PPP2R3A: variants seen among roughly 807,000 people sequenced by gnomAD.
PPP2R3A encodes the protein protein phosphatase 2 regulatory subunit B''alpha.
PPP2R3A carries 80 observed loss-of-function variants against 106.9 expected under a neutral mutation model. The ratio of observed to expected loss-of-function variants is 0.75; its 90% CI spans 0.62 to 0.90. PPP2R3A has a LOEUF of 0.90. Ranked by LOEUF, PPP2R3A falls within the 40% of genes least tolerant of loss-of-function variation. PPP2R3A has a pLI of 0.00. For synonymous variants in PPP2R3A, 483 were observed against 468.3 expected (o/e 1.03, Z -0.41); for missense variants, 1,386 against 1,350.4 (o/e 1.03, Z -0.41).
Position 136,002,756 on chromosome 3 carries a change from G to T in PPP2R3A, c.1258G>T (p.Glu420Ter). The change falls in exon 2 of 14, where the codon GAG (glutamate) becomes TAG (stop). Residue 420 changes from glutamate to a stop codon, truncating the protein, a stop_gained. Transcript: ENST00000264977. LOFTEE classifies it high-confidence loss of function. ...DLMETLYIEE[E>*]SDGKKALDKG... ...AATGGAAACTCTTTATATTGAAGAAGAGTCAGATGGAAAGAAAGCATTAGA... is the reference window on the plus strand; with the variant it reads ...AATGGAAACTCTTTATATTGAAGAATAGTCAGATGGAAAGAAAGCATTAGA... The T allele has an allele frequency of 6.2e-7, 1 of 1,612,718 alleles. No individual in the cohort carries two copies. Among genetic ancestry groups the T allele is most frequent in the Non-Finnish European group, 8.5e-7 (1 of 1,179,452 alleles).
chr3:136,002,758 G>A lies in PPP2R3A; in HGVS notation c.1260G>A (p.Glu420=). The change falls in exon 2 of 14, where the codon GAG becomes GAA. Residue 420 remains glutamate, a synonymous_variant. Transcript: ENST00000264977. ...DLMETLYIEE[E]SDGKKALDKG... is the part of the protein sequence containing the mutation. ...TGGAAACTCTTTATATTGAAGAAGA[G>A]TCAGATGGAAAGAAAGCATTAGATA... 6.2e-7 allele frequency: 1 copy of A among 1,612,904 alleles called. No individual in the cohort carries two copies. The highest frequency in any genetic ancestry group is 1.1e-5 in the South Asian group (1 of 90,766).
intron 5 of PPP2R3A, among the ~76,000 whole-genome samples, chr3:136,056,424 G>T (rs1375875694): frequency 6.6e-6 from 1 of 151,992 alleles, no homozygotes; most frequent in Non-Finnish European, 1.5e-5. Flanking sequence ...TGGGCGCAGG[G>T]TATATGGGAA....
intron 13 of PPP2R3A, among the ~76,000 whole-genome samples, chr3:136,140,911 TAAATG>T (rs1559943612): frequency 1.3e-5 from 2 of 152,142 alleles, no homozygotes; most frequent in East Asian, 1.9e-4. Flanking sequence ...GTCTCAAAAA[TAAATG>T]AATGAATGAA....
chr3:136,010,701 C>T (rs1218601152), intron 2 of PPP2R3A, among the ~76,000 whole-genome samples: 2 of 152,268 alleles, frequency 1.3e-5, no homozygotes, highest in Non-Finnish European at 2.9e-5. Context: ...GCTGGGATTA[C>T]AGGCGTGAGC....
rs534681480 is a variant in PPP2R3A at position 136,015,713 on chromosome 3, C to T, written c.1996-11119C>T. ...ATTTGGATCGTCTCTCTTCTTTTCT[C>T]GGTTAATCTCTCTAATGGTCTATCA... is the stretch of plus-strand genomic sequence containing the variant. On this transcript the variant is annotated intron_variant, in intron 2 of 13. Transcript: ENST00000264977. Among the ~76,000 whole-genome samples, 84 of 151,720 alleles carry T rather than the reference C, an allele frequency of 5.5e-4. 1 individual carries two copies. The highest frequency in any genetic ancestry group is 1.4e-3 in the African/African-American group (60 of 41,476).
chr3:136,103,534 G>A (rs1027433541), intron 12 of PPP2R3A, among the ~76,000 whole-genome samples, 158 bp downstream of exon 12: 1 of 152,126 alleles, frequency 6.6e-6, no homozygotes, highest in African/African-American at 2.4e-5. Flanking sequence ...GACCTCTAGA[G>A]CACATGTCTC....
In PPP2R3A at chr3:136,002,489, C is replaced by G; in HGVS notation, c.991C>G (p.Pro331Ala). Reference sequence around the variant, plus strand: ...CTCCCCAGTGTTTGGCACTGAACAACCCCCTAAATATGAAGATGTTGTCCA... The same window carrying G: ...CTCCCCAGTGTTTGGCACTGAACAAGCCCCTAAATATGAAGATGTTGTCCA... The part of the protein sequence containing the change: ...PFSPVFGTEQ[P>A]PKYEDVVQLS... The change falls in exon 2 of 14, where the codon CCC (proline) becomes GCC (alanine). Residue 331 changes from proline (P) to alanine (A), a missense_variant. Coordinates refer to ENST00000264977, the MANE Select transcript of PPP2R3A (RefSeq NM_002718.5). 1 of 1,614,120 alleles carries G rather than the reference C, an allele frequency of 6.2e-7. No homozygotes were observed. The highest frequency in any genetic ancestry group is 1.1e-5 in the South Asian group (1 of 91,082).
chr3:136,120,519 C>T (rs1035949352), intron 13 of PPP2R3A, among the ~76,000 whole-genome samples: 11 of 151,836 alleles, frequency 7.2e-5, no homozygotes, highest in African/African-American at 2.4e-4. Flanking sequence ...GCTTGGGAGG[C>T]GGAGGTTGCA....
intron 3 of PPP2R3A, among the ~76,000 whole-genome samples, chr3:136,036,748 C>G (rs1032440328): frequency 1.3e-5 from 2 of 152,178 alleles, no homozygotes; most frequent in Non-Finnish European, 2.9e-5. Context: ...CTCTGTCTGT[C>G]CCAAGTTGGA....
intron 7 of PPP2R3A, among the ~76,000 whole-genome samples, chr3:136,081,579 T>G (rs1409907250): frequency 1.3e-5 from 2 of 152,230 alleles, no homozygotes; most frequent in Non-Finnish European, 2.9e-5. Flanking sequence ...TCTTTTGTGC[T>G]TTTATTTTTC....
chr3:136,070,213 T>C (rs556262495), intron 5 of PPP2R3A, among the ~76,000 whole-genome samples: 134 of 152,330 alleles, frequency 8.8e-4, no homozygotes, highest in Non-Finnish European at 1.1e-3. Flanking sequence ...TTACAGTACA[T>C]ACCTCGGAGA....
intron 3 of PPP2R3A, among the ~76,000 whole-genome samples, chr3:136,030,204 T>G (rs1456725272): frequency 6.8e-6 from 1 of 147,972 alleles, no homozygotes; most frequent in Non-Finnish European, 1.5e-5. Flanking sequence ...GGTGACAGAG[T>G]GAGAACCTGT....
rs138549120 is a variant in PPP2R3A, at chr3:135,968,516, A to G, written c.-441+2667A>G. ...ACAGGGCCGCTTTTGGGAACCCAGA[A>G]GCCAGGAACACGGAGAGTGATGACA... On this transcript the variant is annotated intron_variant, in intron 1 of 13. Transcript: ENST00000264977. Among the ~76,000 whole-genome samples the G allele has an allele frequency of 2.5e-3, 377 of 152,352 alleles. 2 individuals carry two copies. Among genetic ancestry groups the G allele is most frequent in the African/African-American group, 8.5e-3 (355 of 41,588 alleles).
At chr3:136,003,887 C>T (rs1476438856) in intron 2 of PPP2R3A, among the ~76,000 whole-genome samples, 1 of 152,158 alleles carries the variant, frequency 6.6e-6, no homozygotes, top group Non-Finnish European at 1.5e-5. Context: ...TCGTCACCCT[C>T]CCCAGCCAAC....
At chr3:136,067,996 A>G (rs1936312804) in intron 5 of PPP2R3A, among the ~76,000 whole-genome samples, 1 of 151,994 alleles carries the variant, frequency 6.6e-6, no homozygotes, top group Non-Finnish European at 1.5e-5. Context: ...AGGCGAAGGC[A>G]GGCAGATCGC....
intron 3 of PPP2R3A, among the ~76,000 whole-genome samples, chr3:136,029,425 G>C (rs1432593660): frequency 6.6e-6 from 1 of 152,120 alleles, no homozygotes; most frequent in East Asian, 1.9e-4. Flanking sequence ...TCGGGGCCTT[G>C]CTAGCACTCC....
chr3:136,114,700 C>T (rs1349598626), intron 13 of PPP2R3A, among the ~76,000 whole-genome samples: 1 of 152,168 alleles, frequency 6.6e-6, no homozygotes, highest in Admixed American at 6.5e-5. Context: ...CGCAGCTCAC[C>T]AAGGCTGCTG....
In PPP2R3A at chr3:136,002,218, C is replaced by G. The variant is rs780481882; in HGVS notation, c.720C>G (p.Ser240=). ...GCTTGGACATCTTATTGAAATGCTC[C>G]GAGGATTTAAAAAAATGCACAGACA... is the stretch of plus-strand genomic sequence containing the variant. ...KMCLDILLKC[S]EDLKKCTDII... is the part of the protein sequence containing the mutation. The change falls in exon 2 of 14, where the codon TCC becomes TCG. Residue 240 remains serine (S), a synonymous_variant. Transcript: ENST00000264977. The G allele has an allele frequency of 1.9e-6, 3 of 1,613,254 alleles. No homozygotes were observed. In the East Asian group the frequency reaches 6.7e-5, roughly 36 times the overall value.
At chr3:136,019,660 A>ATCT (rs1476351348) in intron 2 of PPP2R3A, among the ~76,000 whole-genome samples, 1 of 152,162 alleles carries the variant, frequency 6.6e-6, no homozygotes, top group Non-Finnish European at 1.5e-5. Flanking sequence ...CATATATACT[A>ATCT]ATACTTCCAT....
Sources: allele counts gnomAD v4.1 joint callset (sites outside exome capture counted in the v4.1 genomes callset), GRCh38; gene constraint gnomAD v4.1.1; transcripts MANE v1.5; gene names NCBI Gene and HGNC (gene_info 2026-07-23, HGNC 2026-07-21).